The following TCF20 variants were observed in gnomAD, a reference collection of about 807,000 sequenced individuals.
TCF20 encodes the protein SPRE-binding protein.
TCF20 carries 3 observed loss-of-function variants against 148.6 expected under a neutral mutation model. The observed-to-expected ratio is 0.02, with a 90% confidence interval of 0.01 to 0.05. The LOEUF (loss-of-function observed/expected upper bound fraction) is 0.05, where lower values mean the gene tolerates loss of function less well. Ranked by LOEUF, TCF20 falls within the 10% of genes least tolerant of loss-of-function variation. The probability of loss-of-function intolerance (pLI) is 1.00; values close to 1 mark genes in which losing one functional copy is unlikely to be tolerated. For synonymous variants in TCF20, 1,049 were observed against 909.5 expected (o/e 1.15, Z -2.76); for missense variants, 2,350 against 2,429.3 (o/e 0.97, Z 0.69).
At chr22:42,325,826 C>T (rs376988487) in intron 1 of TCF20, among the ~76,000 whole-genome samples, 10 of 152,314 alleles carry the variant, frequency 6.6e-5, no homozygotes, top group African/African-American at 2.4e-4. Flanking sequence ...GGAGCCAGCG[C>T]GCCTCTCTGA....
At chr22:42,260,268 A>C (rs1925959429) in intron 1 of TCF20, among the ~76,000 whole-genome samples, 1 of 152,196 alleles carries the variant, frequency 6.6e-6, no homozygotes, top group South Asian at 2.1e-4. Flanking sequence ...AGCAAGAAGG[A>C]GACCAGGTCA....
In TCF20 at chr22:42,180,962, C is replaced by T. The variant is rs187113909; in HGVS notation, c.5656-1260G>A. On this transcript the variant is annotated intron_variant, in intron 2 of 5. Coordinates refer to ENST00000677622, the MANE Select transcript of TCF20 (RefSeq NM_001378418.1). Reference sequence around the variant, plus strand: ...AGAAGATCAAGGTCCTTCTGGGTGCCCATAATCAGTAAATGTTTATCATGT... The same window carrying T: ...AGAAGATCAAGGTCCTTCTGGGTGCTCATAATCAGTAAATGTTTATCATGT... 1.4e-3 allele frequency among the ~76,000 whole-genome samples: 210 copies of T among 152,232 alleles called. 1 individual carries two copies. The highest frequency in any genetic ancestry group is 4.3e-3 in the African/African-American group (179 of 41,534).
chr22:42,222,119 T>G (rs1922433947), intron 1 of TCF20, among the ~76,000 whole-genome samples: 1 of 152,212 alleles, frequency 6.6e-6, no homozygotes, highest in South Asian at 2.1e-4. Context: ...TTAAGGACTC[T>G]GGACAGTGTC....
chr22:42,196,263 C>T (rs1454572311), intron 2 of TCF20, among the ~76,000 whole-genome samples: 1 of 152,188 alleles, frequency 6.6e-6, no homozygotes, highest in Non-Finnish European at 1.5e-5. Context: ...CTGGGCAGCA[C>T]TTGCTGCCTG....
Position 42,243,292 on chromosome 22 carries a change from C to CAAAAAAAAAAAAAAAAAAAAAAAAAAAAA in TCF20, c.-37+27018_-37+27046dup, listed in dbSNP as rs3045578. ...TGGCTGGCAGAGCAAGACACTGTCTCAAAAAAAAAAAAAAAAAAAAAAAAA... is the reference window on the plus strand; with the variant it reads ...TGGCTGGCAGAGCAAGACACTGTCTCAAAAAAAAAAAAAAAAAAAAAAAAAAAAAAAAAAAAAAAAAAAAAAAAAAAAAA... On this transcript the variant is annotated intron_variant, in intron 1 of 5. Transcript: ENST00000677622. Among the ~76,000 whole-genome samples the CAAAAAAAAAAAAAAAAAAAAAAAAAAAAA allele has an allele frequency of 1.0e-4, 4 of 39,502 alleles. 1 individual carries two copies. Among genetic ancestry groups the CAAAAAAAAAAAAAAAAAAAAAAAAAAAAA allele is most frequent in the Non-Finnish European group, 1.9e-4 (4 of 21,452 alleles). 25.9% of individuals were successfully genotyped at this position (39,502 alleles called of 152,430 possible). A position where few individuals can be genotyped will look rare whatever the true frequency, so the allele number is the denominator to read the frequency against.
At chr22:42,206,284 A>C (rs1303050084) in intron 2 of TCF20, among the ~76,000 whole-genome samples, 1 of 152,202 alleles carries the variant, frequency 6.6e-6, no homozygotes, top group Non-Finnish European at 1.5e-5. Flanking sequence ...GGCTGGGCGC[A>C]GTGACCCACA....
chr22:42,162,167 GAT>G (rs1355788195), intron 5 of TCF20, among the ~76,000 whole-genome samples: 1 of 151,838 alleles, frequency 6.6e-6, no homozygotes, highest in Non-Finnish European at 1.5e-5. Flanking sequence ...TTTTAGGAGA[GAT>G]GTGGTTTTGC....
In TCF20 at chr22:42,212,179, C is replaced by A; in HGVS notation, c.3127G>T (p.Ala1043Ser). Residue 1043 changes from alanine (A) to serine (S), a missense_variant, in exon 2 of 6, where the codon GCT becomes TCT. Physicochemically the swap from Ala to Ser is moderately conservative, Grantham distance 99 (BLOSUM62 1). Around this residue, in one of 7 missense-constraint regions of TCF20, gnomAD observed 1,641 missense variants for 1,662.6 expected, o/e 0.99. Transcript: ENST00000677622. ...MNPHMTFSER[A>S]NRSSLHTPFS... ...GGAGTGTGTAAAGAACTCCGGTTAGCCCTCTCTGAAAAGGTCATGTGTGGA... is the reference window on the plus strand; with the variant it reads ...GGAGTGTGTAAAGAACTCCGGTTAGACCTCTCTGAAAAGGTCATGTGTGGA... 6.2e-7 allele frequency: 1 copy of A among 1,614,214 alleles called. No individual in the cohort carries two copies. The highest frequency in any genetic ancestry group is 8.5e-7 in the Non-Finnish European group (1 of 1,180,048).
Position 42,339,297 on chromosome 22 carries a change from A to C in TCF20, c.-37+4182T>G, listed in dbSNP as rs1928122816. Reference sequence around the variant, plus strand: ...AGAAAACAGAGGCACACAGAGACTAAGTGATATATCCAAGGCCACACAGCT... The same window carrying C: ...AGAAAACAGAGGCACACAGAGACTACGTGATATATCCAAGGCCACACAGCT... On this transcript the variant is annotated intron_variant, in intron 1 of 1. Transcript: ENST00000515426. Among the ~76,000 whole-genome samples, 4 of 152,318 alleles carry C rather than the reference A, an allele frequency of 2.6e-5. No individual in the cohort carries two copies. In the South Asian group the frequency reaches 8.3e-4, roughly 32 times the overall value.
At chr22:42,265,851 T>A (rs368578371) in intron 1 of TCF20, among the ~76,000 whole-genome samples, 1 of 152,178 alleles carries the variant, frequency 6.6e-6, no homozygotes, top group Non-Finnish European at 1.5e-5. Context: ...ATGTTACTCT[T>A]TAAGCTGATA....
chr22:42,214,566 A>G lies in TCF20; in HGVS notation c.740T>C (p.Phe247Ser), dbSNP rs914476907. The G allele has an allele frequency of 2.5e-6, 4 of 1,613,550 alleles. No individual in the cohort carries two copies. Among genetic ancestry groups the G allele is most frequent in the Non-Finnish European group, 2.5e-6 (3 of 1,179,776 alleles). The change falls in exon 2 of 6, where the codon TTC becomes TCC. Residue 247 changes from phenylalanine (F) to serine (S), a missense_variant. Phe to Ser is a radical substitution (Grantham distance 155). Around this residue, in one of 7 missense-constraint regions of TCF20, gnomAD observed 1,641 missense variants for 1,662.6 expected, o/e 0.99. Coordinates refer to ENST00000677622, the MANE Select transcript of TCF20 (RefSeq NM_001378418.1). Reference sequence around the variant, plus strand: ...CTGGCTAAAACGCTGTGGTGAAGGGAAGGAGGAGGAGGAGGAGGAGGAAGC... The same window carrying G: ...CTGGCTAAAACGCTGTGGTGAAGGGGAGGAGGAGGAGGAGGAGGAGGAAGC... ...SSASSSSSSS[F>S]PSPQRFSQSG... is the part of the protein sequence containing the mutation.
intron 1 of TCF20, among the ~76,000 whole-genome samples, chr22:42,245,894 T>C (rs1924861277): frequency 6.6e-6 from 1 of 152,176 alleles, no homozygotes; most frequent in Non-Finnish European, 1.5e-5. Context: ...ATTACAGGCA[T>C]GAGCCACCAC....
At chr22:42,254,508 G>A (rs1225467194) in intron 1 of TCF20, among the ~76,000 whole-genome samples, 1 of 152,178 alleles carries the variant, frequency 6.6e-6, no homozygotes, top group Non-Finnish European at 1.5e-5. Flanking sequence ...TTGTAACAGT[G>A]TTTTGTTATA....
intron 1 of TCF20, among the ~76,000 whole-genome samples, chr22:42,233,339 C>A (rs1338823173): frequency 6.6e-6 from 1 of 152,174 alleles, no homozygotes; most frequent in Non-Finnish European, 1.5e-5. Context: ...GGTTATACAG[C>A]CAGTCAGTAA....
chr22:42,310,077 T>C (rs1927505938), intron 1 of TCF20, among the ~76,000 whole-genome samples: 1 of 152,176 alleles, frequency 6.6e-6, no homozygotes, highest in Non-Finnish European at 1.5e-5. Flanking sequence ...AAAGGTGGAC[T>C]TTGAAGGATG....
At chr22:42,188,241 C>A (rs969945312) in intron 2 of TCF20, among the ~76,000 whole-genome samples, 1 of 126,218 alleles carries the variant, frequency 7.9e-6, no homozygotes, top group Non-Finnish European at 1.6e-5. Flanking sequence ...TTGCAGTGAG[C>A]GAGATCATGC....
In TCF20 at chr22:42,317,752, C is replaced by T. The variant is rs1223272631; in HGVS notation, c.-37+25727G>A. 5.3e-5 allele frequency among the ~76,000 whole-genome samples: 8 copies of T among 152,156 alleles called. No individual in the cohort carries two copies. Among genetic ancestry groups the T allele is most frequent in the African/African-American group, 9.7e-5 (4 of 41,422 alleles). On this transcript the variant is annotated intron_variant, in intron 1 of 1. Coordinates refer to the TCF20 transcript ENST00000515426. This position sits in a 1 kb window ranked among gnomAD's most constrained non-coding sequence, Gnocchi z 4.2. ...AGTGGGGAGGGTGGAAGAAGGGAGC[C>T]GAGGTGGGCACAGGGCGATCCCTCC...
intron 1 of TCF20, among the ~76,000 whole-genome samples, chr22:42,246,370 A>C (rs1924906087): frequency 6.6e-6 from 1 of 152,154 alleles, no homozygotes; most frequent in Non-Finnish European, 1.5e-5. Flanking sequence ...TCGGCCTCCC[A>C]AAGTGCTGGG....
intron 1 of TCF20, among the ~76,000 whole-genome samples, chr22:42,296,452 G>C (rs1473284347): frequency 1.3e-5 from 2 of 152,262 alleles, no homozygotes; most frequent in Non-Finnish European, 2.9e-5. Flanking sequence ...CTCCCCAAGG[G>C]CCATGAGGGG....
Sources: allele counts gnomAD v4.1 joint callset (sites outside exome capture counted in the v4.1 genomes callset), GRCh38; gene constraint gnomAD v4.1.1; regional missense constraint gnomAD v4.1.1; non-coding constraint Gnocchi (gnomAD v3.1); transcripts MANE v1.5; gene names NCBI Gene and HGNC (gene_info 2026-07-23, HGNC 2026-07-21).